The following SLC6A14 variants were observed in gnomAD, a reference collection of about 807,000 sequenced individuals.
The protein encoded by SLC6A14 is solute carrier family 6 member 14.
A neutral mutation model predicts 51.4 loss-of-function variants in SLC6A14; 21 were observed. The observed-to-expected ratio is 0.41, with a 90% CI of 0.29 to 0.59. The LOEUF (loss-of-function observed/expected upper bound fraction) is 0.59, where lower values mean the gene tolerates loss of function less well. SLC6A14 is among the 20% of genes least tolerant of loss of function. The pLI is 0.31. For synonymous variants in SLC6A14, 177 were observed against 160.7 expected (o/e 1.10, Z -0.77); for missense variants, 371 against 472.8 (o/e 0.78, Z 2.00).
chrX:116,454,196 C>A, intron 9 of SLC6A14, 128 bp from the exon 10 acceptor site: 1 of 430,493 alleles, frequency 2.3e-6, no homozygotes, highest in Non-Finnish European at 4.0e-6. Context: ...TTTTTAAAAG[C>A]AGGGAACAGG....
intron 2 of SLC6A14, among the ~76,000 whole-genome samples, chrX:116,440,312 C>T (rs1927569444): frequency 8.9e-6 from 1 of 112,267 alleles, no homozygotes; most frequent in Non-Finnish European, 1.9e-5. Flanking sequence ...TCAGAGTCTT[C>T]AAACAAAACC....
chrX:116,459,117 A>C lies in SLC6A14; in HGVS notation c.*162A>C. 2.5e-6 allele frequency: 1 copy of C among 403,374 alleles called. No homozygotes were observed. Among genetic ancestry groups the C allele is most frequent in the Non-Finnish European group, 4.2e-6 (1 of 239,535 alleles). The allele number at this position is 403,374 out of a possible 1,213,427, so 33.2% of individuals were successfully genotyped here. On this transcript the variant is annotated 3_prime_UTR_variant, in exon 14 of 14. Transcript: ENST00000598581. ...GCAGGAATGCAATATAAAAATGTGA[A>C]TCTCTTAATTCTCAGCCATGTGCTT...
In SLC6A14 at chrX:116,443,689, C is replaced by T. The variant is rs140784139; in HGVS notation, c.555C>T (p.Ile185=). ...CAGTGAATAAAGGAATACAAGAGAT[C>T]ATCCAAATGAATAAAAGCTGGGTAG... is the stretch of plus-strand genomic sequence containing the variant. The part of the protein sequence containing the change: ...VSTVNKGIQE[I]IQMNKSWVDI... Residue 185 remains isoleucine, a synonymous_variant, in exon 5 of 14, where the codon ATC becomes ATT. Transcript: ENST00000598581. 3.3e-5 allele frequency: 39 copies of T among 1,195,410 alleles called. No homozygotes were observed. The Middle Eastern group carries it at 1.2e-3, about 35-fold the overall frequency.
At chrX:116,447,652 C>T (rs1419818030) in intron 7 of SLC6A14, among the ~76,000 whole-genome samples, 1 of 106,673 alleles carries the variant, frequency 9.4e-6, no homozygotes, top group Non-Finnish European at 1.9e-5. Context: ...GGTTGGAGTG[C>T]AATGGCACAA....
Position 116,460,674 on chromosome X carries a change from T to C in SLC6A14, c.*1719T>C, listed in dbSNP as rs1556695120. ...ACCTCTGCCTTCTGGATTCAAGTGATTCTCCTGCCTCAGCCTCTTGAGTAG... is the reference window on the plus strand; with the variant it reads ...ACCTCTGCCTTCTGGATTCAAGTGACTCTCCTGCCTCAGCCTCTTGAGTAG... On this transcript the variant is annotated 3_prime_UTR_variant, in exon 14 of 14. Coordinates refer to ENST00000598581, the MANE Select transcript of SLC6A14 (RefSeq NM_007231.5). 2 of 108,202 alleles carry C rather than the reference T, an allele frequency of 1.8e-5. No homozygotes were observed. Among genetic ancestry groups the C allele is most frequent in the African/African-American group, 6.8e-5 (2 of 29,479 alleles). The allele number at this position is 108,202 out of a possible 1,213,427, so 8.9% of individuals were successfully genotyped here.
intron 10 of SLC6A14, 102 bp from the exon 11 acceptor site, chrX:116,454,871 CTAAG>C: frequency 1.8e-6 from 1 of 567,220 alleles, no homozygotes; most frequent in Non-Finnish European, 2.8e-6. Context: ...AGAAGGGAAA[CTAAG>C]GAGCATATGT....
intron 9 of SLC6A14, among the ~76,000 whole-genome samples, chrX:116,453,928 C>T (rs1169698279): frequency 1.8e-5 from 2 of 111,355 alleles, no homozygotes; most frequent in African/African-American, 6.5e-5. Context: ...TACTCTTAGC[C>T]AGTTCCCTAT....
Position 116,453,069 on chromosome X carries a change from T to C in SLC6A14, c.1212T>C (p.Gly404=). The C allele has an allele frequency of 8.4e-7, 1 of 1,194,923 alleles. No individual in the cohort carries two copies. Among genetic ancestry groups the C allele is most frequent in the South Asian group, 1.8e-5 (1 of 55,871 alleles). The change falls in exon 9 of 14, where the codon GGT becomes GGC. Residue 404 remains glycine (G), a synonymous_variant. Transcript: ENST00000598581. ...CAGAGGCTCTAGCCCAACTCCCAGG[T>C]GGTCCATTTTGGTCCATATTATTTT... is the stretch of plus-strand genomic sequence containing the variant. ...AYPEALAQLP[G]GPFWSILFFF... is the part of the protein sequence containing the mutation.
rs1928017540 is a variant in SLC6A14, at chrX:116,460,242, C to T, written c.*1287C>T. On this transcript the variant is annotated 3_prime_UTR_variant, in exon 14 of 14. Transcript: ENST00000598581. The stretch of plus-strand genomic sequence containing the variant: ...AGAGTCCGTAGGTTTATCAGAATAT[C>T]AAGGAAAACTGTGACCCAAAGAAGT... The T allele has an allele frequency of 9.0e-6, 1 of 111,526 alleles. No individual in the cohort carries two copies. Among genetic ancestry groups the T allele is most frequent in the African/African-American group, 3.3e-5 (1 of 30,678 alleles). 9.2% of individuals were successfully genotyped at this position (111,526 alleles called of 1,213,427 possible).
chrX:116,441,240 AT>A (rs1569539606), intron 3 of SLC6A14, 143 bp downstream of exon 3: 8 of 623,909 alleles, frequency 1.3e-5, no homozygotes, highest in Admixed American at 3.1e-5. Flanking sequence ...AACATGCATT[AT>A]TGTTGTTTTG....
At chrX:116,437,194 TC>T (rs1927499370) in intron 1 of SLC6A14, among the ~76,000 whole-genome samples, 1 of 111,792 alleles carries the variant, frequency 8.9e-6, no homozygotes, top group Non-Finnish European at 1.9e-5. Context: ...TGCATATTAT[TC>T]TACGGCTTTT....
intron 7 of SLC6A14, among the ~76,000 whole-genome samples, chrX:116,450,653 A>C (rs1927805056): frequency 8.9e-6 from 1 of 112,095 alleles, no homozygotes; most frequent in Non-Finnish European, 1.9e-5. Context: ...GAAGTGGAAA[A>C]AGGCCAGGCG....
intron 2 of SLC6A14, 32 bp downstream of exon 2, chrX:116,437,987 C>G (rs782189305): frequency 1.7e-5 from 18 of 1,068,566 alleles, no homozygotes; most frequent in South Asian, 4.1e-5. Context: ...CTCCCACCCC[C>G]GCTTTTCCCT....
At chrX:116,444,857 C>T in intron 5 of SLC6A14, 61 bp from the exon 6 acceptor site, 1 of 1,127,335 alleles carries the variant, frequency 8.9e-7, no homozygotes, top group Non-Finnish European at 1.2e-6. Flanking sequence ...TATTACAAAA[C>T]TCAATGTATT....
At chrX:116,447,159 G>A (rs1360844906) in intron 7 of SLC6A14, among the ~76,000 whole-genome samples, 1 of 110,908 alleles carries the variant, frequency 9.0e-6, no homozygotes, top group African/African-American at 3.3e-5. Context: ...AAAATTTCAG[G>A]CTTATTAATC....
rs782765455 is a variant in SLC6A14 at position 116,443,739 on chromosome X, A to G, written c.605A>G (p.Asn202Ser). ...WVDINNFTCI[N>S]GSEIYQPGQL... ...GACATCAACAATTTTACCTGCATCA[A>G]CGGCAGTGAAATTTATCAGCCAGGG... is the stretch of plus-strand genomic sequence containing the variant. The change falls in exon 5 of 14, where the codon AAC (asparagine) becomes AGC (serine). Residue 202 changes from asparagine to serine, a missense_variant. Coordinates refer to ENST00000598581, the MANE Select transcript of SLC6A14 (RefSeq NM_007231.5). 7 of 1,205,894 alleles carry G rather than the reference A, an allele frequency of 5.8e-6. No homozygotes were observed. In the Admixed American group the frequency reaches 1.5e-4, roughly 27 times the overall value.
rs781876726 is a variant in SLC6A14, at chrX:116,443,740, C to T, written c.606C>T (p.Asn202=). 40 of 1,204,312 alleles carry T rather than the reference C, an allele frequency of 3.3e-5. No individual in the cohort carries two copies. The highest frequency in any genetic ancestry group is 6.6e-5 in the Admixed American group (3 of 45,228). ...ACATCAACAATTTTACCTGCATCAA[C>T]GGCAGTGAAATTTATCAGCCAGGGC... ...WVDINNFTCI[N]GSEIYQPGQL... The change falls in exon 5 of 14, where the codon AAC becomes AAT. Residue 202 remains asparagine (N), a synonymous_variant. Coordinates refer to ENST00000598581, the MANE Select transcript of SLC6A14 (RefSeq NM_007231.5).
intron 5 of SLC6A14, 105 bp downstream of exon 5, chrX:116,443,895 A>G: frequency 1.6e-6 from 1 of 628,640 alleles, no homozygotes; most frequent in African/African-American, 2.3e-5. Context: ...AAATAGAAAA[A>G]GGAAAATCAG....
chrX:116,460,433 TA>T lies in SLC6A14; in HGVS notation c.*1479del, dbSNP rs782728322. 44 of 111,238 alleles carry T rather than the reference TA, an allele frequency of 4.0e-4. No homozygotes were observed. The highest frequency in any genetic ancestry group is 1.4e-3 in the African/African-American group (43 of 30,618). The allele number at this position is 111,238 out of a possible 1,213,427, so 9.2% of individuals were successfully genotyped here. A position where few individuals can be genotyped will look rare whatever the true frequency, so the allele number is the denominator to read the frequency against. ...GTTTAATTTATACTGGTAACTTATT[TA>T]GGGGGGAGGGGACATGAAGGTAGGT... On this transcript the variant is annotated 3_prime_UTR_variant, in exon 14 of 14. Transcript: ENST00000598581.
Sources: allele counts gnomAD v4.1 joint callset (sites outside exome capture counted in the v4.1 genomes callset), GRCh38; gene constraint gnomAD v4.1.1; transcripts MANE v1.5; gene names NCBI Gene and HGNC (gene_info 2026-07-23, HGNC 2026-07-21).